Variants in SND1 observed in about 807,000 individuals in gnomAD.
The protein encoded by SND1 is staphylococcal nuclease and tudor domain containing 1.
Under a neutral mutation model 121.7 loss-of-function variants are expected in SND1, and 38 were observed. That is an observed-to-expected ratio of 0.31 (90% CI 0.24 to 0.41). The LOEUF is 0.41. Among genes scored for constraint, SND1 ranks in the 10% least tolerant of loss-of-function variants. The pLI, the probability that SND1 is intolerant of heterozygous loss-of-function variation, is 1.00. For synonymous variants in SND1, 401 were observed against 447.4 expected, an observed-to-expected ratio of 0.90 and a Z score of 1.31; for missense variants, 868 against 1,184.6, an observed-to-expected ratio of 0.73 and a Z score of 3.92.
intron 11 of SND1, among the ~76,000 whole-genome samples, chr7:127,840,223 A>G (rs886607547): frequency 1.8e-4 from 28 of 152,176 alleles, no homozygotes; most frequent in African/African-American, 6.8e-4. Flanking sequence ...ATAGTACCCC[A>G]TGTCTGACTA....
intron 1 of SND1, among the ~76,000 whole-genome samples, chr7:127,683,959 T>G (rs1202605465): frequency 2.0e-5 from 3 of 152,236 alleles, no homozygotes; most frequent in Non-Finnish European, 4.4e-5. Context: ...AAAGGAGTTT[T>G]GCACAATTAC....
chr7:127,779,053 A>G (rs1280351024), intron 10 of SND1, among the ~76,000 whole-genome samples: 1 of 152,240 alleles, frequency 6.6e-6, no homozygotes, highest in Admixed American at 6.5e-5. Context: ...ATTAGTCCAT[A>G]TGTAATAAGG....
intron 15 of SND1, among the ~76,000 whole-genome samples, chr7:127,941,001 G>C (rs575487009): frequency 6.6e-6 from 1 of 152,218 alleles, no homozygotes; most frequent in Admixed American, 6.5e-5. Context: ...GCTGCTCTTC[G>C]TCTCAGTGCT....
intron 15 of SND1, among the ~76,000 whole-genome samples, chr7:127,987,594 G>A (rs574585532): frequency 6.6e-6 from 1 of 152,278 alleles, no homozygotes; most frequent in African/African-American, 2.4e-5. Context: ...TCTAGAAACT[G>A]GATAAACCCT....
At chr7:127,907,220 G>A (rs561589304) in intron 14 of SND1, among the ~76,000 whole-genome samples, 1 of 152,220 alleles carries the variant, frequency 6.6e-6, no homozygotes, top group Non-Finnish European at 1.5e-5. Context: ...GAGGAGTTTT[G>A]TCTTTTCCCA....
At chr7:127,820,223 T>G (rs1177466675) in intron 11 of SND1, among the ~76,000 whole-genome samples, 1 of 152,222 alleles carries the variant, frequency 6.6e-6, no homozygotes, top group African/African-American at 2.4e-5. Context: ...TTTCTCTCAT[T>G]TGAGGGCTGG....
chr7:127,850,365 C>T (rs959704010), intron 12 of SND1, among the ~76,000 whole-genome samples: 1 of 152,170 alleles, frequency 6.6e-6, no homozygotes, highest in African/African-American at 2.4e-5. Context: ...CAAAAGCAGC[C>T]TCTTGAATCG....
intron 17 of SND1, among the ~76,000 whole-genome samples, chr7:128,075,351 G>A (rs554394740): frequency 2.0e-5 from 3 of 152,338 alleles, no homozygotes; most frequent in Admixed American, 1.3e-4. Context: ...CAATTTGTCA[G>A]GGCTTCTCTG....
Position 127,766,648 on chromosome 7 carries a change from A to G in SND1, c.1153-40836A>G, listed in dbSNP as rs781396952. ...AAATTAGCCGGGCGTGGTGGCGGGC[A>G]CCTGTAGTCCCAGCTACTCAGGAGG... On this transcript the variant is annotated intron_variant, in intron 10 of 23. Transcript: ENST00000354725. 3.0e-3 allele frequency among the ~76,000 whole-genome samples: 461 copies of G among 151,350 alleles called. 2 individuals are homozygous for G. The highest frequency in any genetic ancestry group is 0.01 in the African/African-American group (418 of 41,250).
At chr7:127,811,667 A>G (rs325441) in intron 11 of SND1, among the ~76,000 whole-genome samples, 326 of 152,274 alleles carry the variant, frequency 2.1e-3, no homozygotes, top group African/African-American at 7.5e-3. Context: ...CAGTAATCCA[A>G]AATCAATCTG....
chr7:127,889,729 A>G (rs1216132581), intron 13 of SND1, among the ~76,000 whole-genome samples: 1 of 151,802 alleles, frequency 6.6e-6, no homozygotes, highest in African/African-American at 2.4e-5. Context: ...CATGAGTTCA[A>G]TTGTTTTGAT....
At chr7:127,994,654 A>T (rs2116922093) in intron 16 of SND1, among the ~76,000 whole-genome samples, 1 of 146,520 alleles carries the variant, frequency 6.8e-6, no homozygotes, top group African/African-American at 2.5e-5. Context: ...AATCTGTGCC[A>T]CTGCCAGTTT....
At chr7:127,997,489 T>G in intron 16 of SND1, 1 of 344,518 alleles carries the variant, frequency 2.9e-6, no homozygotes. Context: ...GTCTGTTGTC[T>G]GATTCCTGCT....
At chr7:127,694,027 CTG>C (rs1242475178) in intron 2 of SND1, among the ~76,000 whole-genome samples, 1 of 152,124 alleles carries the variant, frequency 6.6e-6, no homozygotes, top group Non-Finnish European at 1.5e-5. Context: ...GTCCTCGTGT[CTG>C]TGCATGGAAC....
chr7:127,910,738 C>G (rs757065379), intron 14 of SND1, among the ~76,000 whole-genome samples: 3 of 152,080 alleles, frequency 2.0e-5, no homozygotes, highest in Non-Finnish European at 2.9e-5. Context: ...TTTTACCCCA[C>G]TTGGCTAAAA....
At chr7:127,694,596 G>T in intron 2 of SND1, 2 of 454,258 alleles carry the variant, frequency 4.4e-6, no homozygotes, top group East Asian at 3.6e-5. Flanking sequence ...TCTGAGGCCT[G>T]TTTTTAGTGT....
rs1297135642 is a variant in SND1, at chr7:127,784,420, C to T, written c.1153-23064C>T. On this transcript the variant is annotated intron_variant, in intron 10 of 23. Transcript: ENST00000354725. ...TTCTACTGCCTATCCTTCTTTCCTC[C>T]CTCTGGAAAACTCTAAGTCTTCCTT... is the stretch of plus-strand genomic sequence containing the variant. 1.8e-4 allele frequency among the ~76,000 whole-genome samples: 28 copies of T among 152,160 alleles called. 1 individual carries two copies. The highest frequency in any genetic ancestry group is 1.8e-3 in the Admixed American group (28 of 15,268).
chr7:128,081,826 A>T (rs376542776), intron 18 of SND1: 1 of 566,716 alleles, frequency 1.8e-6, no homozygotes, highest in Non-Finnish European at 3.6e-6. Context: ...TTGTTCCTAC[A>T]TACCCCTGGC....
intron 10 of SND1, among the ~76,000 whole-genome samples, chr7:127,723,507 T>C (rs1253601428): frequency 6.6e-6 from 1 of 152,222 alleles, no homozygotes; most frequent in African/African-American, 2.4e-5. Flanking sequence ...GATGGAGGAA[T>C]GATTTCCATT....
Sources: gnomAD v4.1 joint callset for allele counts (sites outside exome capture counted in the v4.1 genomes callset) on GRCh38, gnomAD v4.1.1 for gene constraint, MANE v1.5 for transcripts, NCBI Gene and HGNC (gene_info 2026-07-23, HGNC 2026-07-21) for gene names.